Variants in PLD1 observed in about 807,000 individuals in gnomAD.
PLD1 encodes the protein phospholipase D1.
In PLD1, 112 loss-of-function variants were observed where a neutral mutation model predicts 137.1. The ratio of observed to expected loss-of-function variants is 0.82; its 90% confidence interval spans 0.70 to 0.96. The LOEUF (loss-of-function observed/expected upper bound fraction) is 0.96, where lower values mean the gene tolerates loss of function less well. Ranked by LOEUF, PLD1 falls within the 40% of genes least tolerant of loss-of-function variation. The pLI is 0.00. For synonymous variants in PLD1, 431 were observed against 454.7 expected (o/e 0.95, Z 0.66); for missense variants, 1,321 against 1,342.0 (o/e 0.98, Z 0.24).
chr3:171,760,972 G>C (rs1721353186), intron 1 of PLD1, among the ~76,000 whole-genome samples: 1 of 152,226 alleles, frequency 6.6e-6, no homozygotes. Context: ...TTTTGATCGG[G>C]TAATCACACT....
At chr3:171,673,963 C>A (rs1271874603) in intron 19 of PLD1, among the ~76,000 whole-genome samples, 2 of 150,846 alleles carry the variant, frequency 1.3e-5, no homozygotes, top group East Asian at 3.9e-4. Context: ...TGATAACTAG[C>A]TGGCCGGCCC....
chr3:171,776,984 G>T (rs764920604), intron 1 of PLD1, among the ~76,000 whole-genome samples: 8 of 151,650 alleles, frequency 5.3e-5, no homozygotes, highest in Non-Finnish European at 1.0e-4. Context: ...GACGACTTTG[G>T]CCCCTTCTCA....
chr3:171,677,580 TCAA>T lies in PLD1; in HGVS notation c.1979_1981del (p.Leu660_Asp661delinsHis). 1 of 1,613,930 alleles carries T rather than the reference TCAA, an allele frequency of 6.2e-7. No homozygotes were observed. The highest frequency in any genetic ancestry group is 1.7e-5 in the Admixed American group (1 of 59,996). ...ATGATACTCACCAGCAAAAGGTTTA[TCAA>T]GTTGAACCCAGTCTTTGAAGACGAA... On this transcript the variant is annotated inframe_deletion, in exon 17 of 27. Transcript: ENST00000351298.
At chr3:171,633,253 T>G (rs762854336) in intron 23 of PLD1, among the ~76,000 whole-genome samples, 1 of 152,228 alleles carries the variant, frequency 6.6e-6, no homozygotes, top group Admixed American at 6.5e-5. Flanking sequence ...AGGTTGGTGA[T>G]GTTAATTTAT....
At chr3:171,788,213 T>C (rs1368364092) in intron 1 of PLD1, among the ~76,000 whole-genome samples, 1 of 147,970 alleles carries the variant, frequency 6.8e-6, no homozygotes, top group Non-Finnish European at 1.5e-5. Flanking sequence ...AAAATAATAA[T>C]AAATTAACTT....
At position 171,656,440 on chromosome 3, in the gene PLD1, G is replaced by A. The variant is rs545724609; in HGVS notation, c.2429+2773C>T. On this transcript the variant is annotated intron_variant, in intron 21 of 26. Coordinates refer to ENST00000351298, the MANE Select transcript of PLD1 (RefSeq NM_002662.5). ...CCCGCCTCAGCCTCCCAAAGTGCTG[G>A]GATTACAGGCGTGAGCCACCATGCC... Among the ~76,000 whole-genome samples the A allele has an allele frequency of 2.0e-4, 30 of 152,278 alleles. No individual in the cohort carries two copies. The South Asian group carries it at 6.2e-3, about 32-fold the overall frequency.
Position 171,708,838 on chromosome 3 carries a change from C to T in PLD1, c.1062G>A (p.Trp354Ter), listed in dbSNP as rs150210391. The T allele has an allele frequency of 2.6e-6, 4 of 1,539,064 alleles. No homozygotes were observed. Among genetic ancestry groups the T allele is most frequent in the Admixed American group, 1.7e-5 (1 of 59,804 alleles). Reference sequence around the variant, plus strand: ...CAAAATATCCTTTGGCATTAACATACCTGAAAGACAAGTTTATTGTTCCTT... The same window carrying T: ...CAAAATATCCTTTGGCATTAACATATCTGAAAGACAAGTTTATTGTTCCTT... ...AAIQENALAK[W>*]YVNAKGYFED... Residue 354 changes from tryptophan to a stop codon, truncating the protein, a stop_gained and splice_region_variant, in exon 11 of 27, where the codon TGG (tryptophan) becomes TGA (stop). Transcript: ENST00000351298. LOFTEE classifies it high-confidence loss of function.
chr3:171,731,143 A>G (rs1718909345), intron 6 of PLD1, among the ~76,000 whole-genome samples: 1 of 152,242 alleles, frequency 6.6e-6, no homozygotes, highest in African/African-American at 2.4e-5. Context: ...CCATGATTCT[A>G]TCTGCTTATG....
At chr3:171,746,042 A>T (rs1453409765) in intron 1 of PLD1, among the ~76,000 whole-genome samples, 1 of 152,124 alleles carries the variant, frequency 6.6e-6, no homozygotes, top group Non-Finnish European at 1.5e-5. Context: ...GCAGTTGCGG[A>T]GGGTACGCCG....
At chr3:171,632,384 C>T (rs562122353) in intron 23 of PLD1, among the ~76,000 whole-genome samples, 2 of 152,042 alleles carry the variant, frequency 1.3e-5, no homozygotes, top group African/African-American at 4.8e-5. Flanking sequence ...CTTTTTTCCT[C>T]TTTTGCTATG....
At position 171,724,747 on chromosome 3, in the gene PLD1, G is replaced by A. The variant is rs1198337944; in HGVS notation, c.707C>T (p.Pro236Leu). 6.2e-7 allele frequency: 1 copy of A among 1,610,804 alleles called. No individual in the cohort carries two copies. The highest frequency in any genetic ancestry group is 8.5e-7 in the Non-Finnish European group (1 of 1,177,812). Residue 236 changes from proline to leucine, a missense_variant, in exon 8 of 27, where the codon CCA becomes CTA. By Grantham distance (98) the Pro-to-Leu change is moderately conservative. Coordinates refer to ENST00000351298, the MANE Select transcript of PLD1 (RefSeq NM_002662.5). ...IMKRSGGHRI[P>L]GLNCCGQGRA... Reference sequence around the variant, plus strand: ...TCCCTGACCACAGCAATTCAAGCCTGGTATTCTGTGTCCTCCAGATCTTTT... The same window carrying A: ...TCCCTGACCACAGCAATTCAAGCCTAGTATTCTGTGTCCTCCAGATCTTTT...
chr3:171,766,061 T>C (rs1341102636), intron 1 of PLD1, among the ~76,000 whole-genome samples: 2 of 152,228 alleles, frequency 1.3e-5, no homozygotes, highest in African/African-American at 2.4e-5. Context: ...AAAATGATTC[T>C]GTCCTTTATA....
In PLD1 at chr3:171,602,455, A is replaced by T. The variant is rs902365670; in HGVS notation, c.*623T>A. On this transcript the variant is annotated 3_prime_UTR_variant, in exon 27 of 27. Transcript: ENST00000351298. ...CAAGATACAGTGTCAATGTTACCAG[A>T]AGTGCCTAACACAGTCTACTGTGTA... The T allele has an allele frequency of 6.5e-6, 1 of 153,008 alleles. No individual in the cohort carries two copies. The highest frequency in any genetic ancestry group is 1.9e-4 in the East Asian group (1 of 5,200). 9.5% of individuals were successfully genotyped at this position (153,008 alleles called of 1,614,324 possible). A position where few individuals can be genotyped will look rare whatever the true frequency, so the allele number is the denominator to read the frequency against.
intron 1 of PLD1, 56 bp from the exon 2 acceptor site, chr3:171,738,138 A>T: frequency 2.8e-6 from 3 of 1,059,344 alleles, no homozygotes; most frequent in Non-Finnish European, 4.1e-6. Context: ...ATAAAATGCT[A>T]TTCCACAATT....
intron 23 of PLD1, among the ~76,000 whole-genome samples, chr3:171,629,401 T>C (rs1053596006): frequency 1.3e-5 from 2 of 152,142 alleles, no homozygotes; most frequent in African/African-American, 2.4e-5. Flanking sequence ...TGCTCATGGG[T>C]AGGAAGAATC....
At chr3:171,688,357 A>G (rs1714785732) in intron 14 of PLD1, among the ~76,000 whole-genome samples, 1 of 152,192 alleles carries the variant, frequency 6.6e-6, no homozygotes, top group South Asian at 2.1e-4. Flanking sequence ...ATTTTTGTTT[A>G]TGAATCTTAT....
intron 23 of PLD1, among the ~76,000 whole-genome samples, chr3:171,641,053 A>G (rs553065063): frequency 2.9e-4 from 44 of 152,328 alleles, no homozygotes; most frequent in Admixed American, 2.5e-3. Flanking sequence ...GACAGGTCAA[A>G]TAATGACAAT....
At chr3:171,689,923 GTCTTC>G (rs965858406) in intron 13 of PLD1, among the ~76,000 whole-genome samples, 2 of 152,180 alleles carry the variant, frequency 1.3e-5, no homozygotes, top group African/African-American at 4.8e-5. Flanking sequence ...GAGTTAGAGA[GTCTTC>G]TCTTCTCCTC....
At chr3:171,724,390 A>G (rs1057286470) in intron 8 of PLD1, among the ~76,000 whole-genome samples, 1 of 152,068 alleles carries the variant, frequency 6.6e-6, no homozygotes, top group South Asian at 2.1e-4. Context: ...TTACATTTCC[A>G]TAATGACTAA....
Sources: allele counts gnomAD v4.1 joint callset (sites outside exome capture counted in the v4.1 genomes callset), GRCh38; gene constraint gnomAD v4.1.1; transcripts MANE v1.5; gene names NCBI Gene and HGNC (gene_info 2026-07-23, HGNC 2026-07-21).